NMT2: variants seen among roughly 807,000 people sequenced by gnomAD.
The protein encoded by NMT2 is N-myristoyltransferase 2, also known as glycylpeptide N-tetradecanoyltransferase 2.
A neutral mutation model predicts 65.4 loss-of-function variants in NMT2; 35 were observed. The observed-to-expected ratio is 0.54, with a 90% CI of 0.41 to 0.71. NMT2 has a LOEUF of 0.71. Among genes scored for constraint, NMT2 ranks in the 30% least tolerant of loss-of-function variants. NMT2 has a pLI of 0.00. For missense variants in NMT2, 489 were observed against 611.3 expected (o/e 0.80, Z 2.11); for synonymous variants, 226 against 231.8 (o/e 0.98, Z 0.23).
chr10:15,167,354 T>C (rs968346535), intron 1 of NMT2, among the ~76,000 whole-genome samples: 1 of 152,234 alleles, frequency 6.6e-6, no homozygotes, highest in Non-Finnish European at 1.5e-5. Context: ...TCCCTTTCTA[T>C]AATAAATCTT....
chr10:15,136,202 C>T (rs1364595235), intron 2 of NMT2, among the ~76,000 whole-genome samples: 1 of 131,164 alleles, frequency 7.6e-6, no homozygotes, highest in Non-Finnish European at 1.6e-5. Context: ...GCCTGGGTGA[C>T]AAGAGCAAGA....
chr10:15,115,919 G>C (rs182913703), intron 9 of NMT2, among the ~76,000 whole-genome samples: 2 of 152,234 alleles, frequency 1.3e-5, no homozygotes, highest in African/African-American at 4.8e-5. Context: ...TCAAACAAGA[G>C]GCCCAGAAGA....
In NMT2 at chr10:15,105,889, T is replaced by C. The variant is rs1845283773; in HGVS notation, c.*3306A>G. The C allele has an allele frequency of 4.4e-6, 1 of 228,756 alleles. No individual in the cohort carries two copies. Among genetic ancestry groups the C allele is most frequent in the Non-Finnish European group, 9.2e-6 (1 of 109,230 alleles). 14.2% of individuals were successfully genotyped at this position (228,756 alleles called of 1,614,324 possible). ...ATGTAGTTATTATTCTATTTAAAAG[T>C]GGTTAATAATTTGATAACAAATTAT... On this transcript the variant is annotated 3_prime_UTR_variant, in exon 12 of 12. Transcript: ENST00000378165.
At chr10:15,117,324 C>G (rs1299386495) in intron 9 of NMT2, among the ~76,000 whole-genome samples, 1 of 152,138 alleles carries the variant, frequency 6.6e-6, no homozygotes, top group African/African-American at 2.4e-5. Context: ...GAAGCAGAAG[C>G]AGCACTGGAA....
Position 15,168,589 on chromosome 10 carries a change from CG to C in NMT2, c.23del (p.Ala8GlyfsTer17). On this transcript the variant is annotated frameshift_variant, in exon 1 of 12. Transcript: ENST00000378165. LOFTEE classifies it high-confidence loss of function. Reference sequence around the variant, plus strand: ...CCAGTTCCAGGCTCTGCTGGCTGGCCGCAGACTCGCTGTCCTCCGCCATCGC... The same window carrying C: ...CCAGTTCCAGGCTCTGCTGGCTGGCCCAGACTCGCTGTCCTCCGCCATCGC... MAEDSES[A>X]ASQQSLELDD... 1.3e-6 allele frequency: 2 copies of C among 1,586,712 alleles called. No individual in the cohort carries two copies. The highest frequency in any genetic ancestry group is 8.5e-7 in the Non-Finnish European group (1 of 1,170,904).
chr10:15,117,366 G>A (rs924195520), intron 9 of NMT2, among the ~76,000 whole-genome samples: 20 of 152,178 alleles, frequency 1.3e-4, no homozygotes, highest in Non-Finnish European at 1.9e-4. Context: ...AGAACTCTCA[G>A]CAAGTTAGAA....
At position 15,130,196 on chromosome 10, in the gene NMT2, A is replaced by G; in HGVS notation, c.836T>C (p.Phe279Ser). 6.2e-7 allele frequency: 1 copy of G among 1,604,996 alleles called. No homozygotes were observed. The highest frequency in any genetic ancestry group is 8.5e-7 in the Non-Finnish European group (1 of 1,174,960). The change falls in exon 7 of 12, where the codon TTC (phenylalanine) becomes TCC (serine). Residue 279 changes from phenylalanine to serine, a missense_variant. Transcript: ENST00000378165. ...CACTCCCGCGGTGTACACAGCCTGG[A>G]AGATCCCTTCCAGGTTCACTCTTCT... ...ITRRVNLEGIFQAVYTAGVVL... is the reference protein window; with the variant it reads ...ITRRVNLEGISQAVYTAGVVL...
At chr10:15,155,327 T>C (rs1588454498) in intron 1 of NMT2, 5 of 1,137,044 alleles carry the variant, frequency 4.4e-6, no homozygotes, top group Non-Finnish European at 6.6e-6. Context: ...CCATGGCTGG[T>C]AGTACAGGGC....
In NMT2 at chr10:15,107,712, C is replaced by T; in HGVS notation, c.*1483G>A. Reference sequence around the variant, plus strand: ...TCAAATGTTTCGCCCGCCTTGGCCTCCCAAAGTGCTGGGATTACAGGCGTG... The same window carrying T: ...TCAAATGTTTCGCCCGCCTTGGCCTTCCAAAGTGCTGGGATTACAGGCGTG... On this transcript the variant is annotated 3_prime_UTR_variant, in exon 12 of 12. Transcript: ENST00000378165. 1 of 954,432 alleles carries T rather than the reference C, an allele frequency of 1.0e-6. No individual in the cohort carries two copies. Among genetic ancestry groups the T allele is most frequent in the Non-Finnish European group, 1.2e-6 (1 of 801,948 alleles). 59.1% of individuals were successfully genotyped at this position (954,432 alleles called of 1,614,324 possible).
At chr10:15,114,790 C>T (rs1174743494) in intron 9 of NMT2, among the ~76,000 whole-genome samples, 1 of 152,098 alleles carries the variant, frequency 6.6e-6, no homozygotes, top group Non-Finnish European at 1.5e-5. Flanking sequence ...ATTTTCTGAG[C>T]TCAGAAGTTC....
chr10:15,140,510 CTTTCTT>C (rs1846712303), intron 2 of NMT2, among the ~76,000 whole-genome samples: 1 of 151,798 alleles, frequency 6.6e-6, no homozygotes, highest in African/African-American at 2.4e-5. Flanking sequence ...TCTTTCTTTT[CTTTCTT>C]TTTCTTTTTT....
At chr10:15,147,135 A>T in intron 1 of NMT2, among the ~76,000 whole-genome samples, 1 of 139,134 alleles carries the variant, frequency 7.2e-6, no homozygotes. Flanking sequence ...AAAAAAAAAA[A>T]GTGACATCAA....
chr10:15,137,077 A>G (rs1164644052), intron 2 of NMT2, among the ~76,000 whole-genome samples: 1 of 152,182 alleles, frequency 6.6e-6, no homozygotes, highest in African/African-American at 2.4e-5. Flanking sequence ...ACACCATTGA[A>G]AGGTACAATC....
intron 9 of NMT2, among the ~76,000 whole-genome samples, chr10:15,117,448 G>A (rs1845781810): frequency 6.6e-6 from 1 of 152,186 alleles, no homozygotes; most frequent in Non-Finnish European, 1.5e-5. Flanking sequence ...ATACTTCATG[G>A]TGAAAGAGTA....
At chr10:15,119,760 T>C (rs1192234521) in intron 8 of NMT2, among the ~76,000 whole-genome samples, 1 of 152,166 alleles carries the variant, frequency 6.6e-6, no homozygotes, top group African/African-American at 2.4e-5. Context: ...AGACAGACAA[T>C]GTGTTGTATC....
chr10:15,168,432 C>A, intron 1 of NMT2, 71 bp downstream of exon 1: 1 of 1,166,760 alleles, frequency 8.6e-7, no homozygotes, highest in African/African-American at 1.6e-5. Context: ...GGGAGCCACC[C>A]CCGAACGGGA....
chr10:15,158,403 G>C (rs1443533018), intron 1 of NMT2, among the ~76,000 whole-genome samples: 1 of 151,574 alleles, frequency 6.6e-6, no homozygotes, highest in African/African-American at 2.4e-5. Context: ...CTATATAGCA[G>C]ACCAAAACTA....
At position 15,112,901 on chromosome 10, in the gene NMT2, G is replaced by A; in HGVS notation, c.1233C>T (p.His411=). 2 of 1,614,108 alleles carry A rather than the reference G, an allele frequency of 1.2e-6. No individual in the cohort carries two copies. Among genetic ancestry groups the A allele is most frequent in the Middle Eastern group, 1.6e-4 (1 of 6,062 alleles). ...SFYTLPSTVM[H]HPAHKSLKAA... is the part of the protein sequence containing the mutation. ...CTTTGAGGCTCTTGTGAGCAGGGTG[G>A]TGCATCACCGTGGAGGGGAGCGTAT... The change falls in exon 10 of 12, where the codon CAC becomes CAT. Residue 411 remains histidine (H), a synonymous_variant. Transcript: ENST00000378165.
chr10:15,151,488 T>G (rs191661009), intron 1 of NMT2, among the ~76,000 whole-genome samples: 2 of 152,338 alleles, frequency 1.3e-5, no homozygotes, highest in South Asian at 2.1e-4. Flanking sequence ...ACGTCTCACA[T>G]GAAGTTTAGT....
Sources: allele counts gnomAD v4.1 joint callset (sites outside exome capture counted in the v4.1 genomes callset), GRCh38; gene constraint gnomAD v4.1.1; transcripts MANE v1.5; gene names NCBI Gene and HGNC (gene_info 2026-07-23, HGNC 2026-07-21).